MNT: variants seen among roughly 807,000 people sequenced by gnomAD.
MNT encodes MAX network transcriptional repressor.
MNT carries 13 observed loss-of-function variants against 40.7 expected under a neutral mutation model. The ratio of observed to expected loss-of-function variants is 0.32; its 90% CI spans 0.21 to 0.51. The LOEUF is 0.51. MNT is among the 20% of genes least tolerant of loss of function. The pLI, the probability that MNT is intolerant of heterozygous loss-of-function variation, is 0.98. For missense variants in MNT, 757 were observed against 792.0 expected (o/e 0.96, Z 0.53); for synonymous variants, 426 against 354.8 (o/e 1.20, Z -2.26).
intron 1 of MNT, chr17:2,400,422 G>A (rs1038935373): frequency 4.4e-6 from 2 of 458,074 alleles, no homozygotes; most frequent in Admixed American, 4.7e-5. Flanking sequence ...GGCGCCCGCA[G>A]GAGCCAGGTC....
rs766220728 is a variant in MNT, at chr17:2,395,051, G to A, written c.477C>T (p.Pro159=). The change falls in exon 2 of 6, where the codon CCC becomes CCT. Residue 159 remains proline (P), a synonymous_variant. Coordinates refer to ENST00000174618, the MANE Select transcript of MNT (RefSeq NM_020310.3). ...GCTGCAAAGGCTTGGGGCTGCCATT[G>A]GGTGGAATGGTGGCCTTCGAGTCCG... The part of the protein sequence containing the change: ...LLPDSKATIP[P]NGSPKPLQPL... 6 of 1,570,968 alleles carry A rather than the reference G, an allele frequency of 3.8e-6. No individual in the cohort carries two copies. Among genetic ancestry groups the A allele is most frequent in the Non-Finnish European group, 8.6e-7 (1 of 1,159,440 alleles).
intron 2 of MNT, 34 bp downstream of exon 2, chr17:2,394,841 C>T (rs1341505462): frequency 3.3e-6 from 5 of 1,505,748 alleles, no homozygotes; most frequent in Non-Finnish European, 3.6e-6. Flanking sequence ...CTCTCCTATC[C>T]CCCACCAGCC....
Position 2,387,838 on chromosome 17 carries a change from C to G in MNT, c.1000+19G>C, listed in dbSNP as rs1304469290. The stretch of plus-strand genomic sequence containing the variant: ...TAACATCTGAGGGCTGGGGGGCCAG[C>G]GTGGGGGCTGGGGCTCACCAGAGGC... On this transcript the variant is annotated intron_variant, in intron 5 of 5. Transcript: ENST00000174618. 1 of 1,579,660 alleles carries G rather than the reference C, an allele frequency of 6.3e-7. No individual in the cohort carries two copies. The highest frequency in any genetic ancestry group is 1.3e-5 in the African/African-American group (1 of 74,248).
At chr17:2,394,755 G>C in intron 2 of MNT, 120 bp downstream of exon 2, 1 of 690,874 alleles carries the variant, frequency 1.4e-6, no homozygotes, top group Admixed American at 2.4e-5. Flanking sequence ...GCACAGTGAT[G>C]ACGTGTTCAA....
At chr17:2,399,885 C>T (rs2066602817) in intron 1 of MNT, among the ~76,000 whole-genome samples, 1 of 152,082 alleles carries the variant, frequency 6.6e-6, no homozygotes, top group Non-Finnish European at 1.5e-5. Flanking sequence ...GAGGGGGGCC[C>T]GGGGGCTGAC....
chr17:2,391,803 G>C (rs946792614), intron 4 of MNT: 15 of 152,312 alleles, frequency 9.8e-5, no homozygotes, highest in Admixed American at 5.2e-4. Context: ...TCCTGACCAT[G>C]TTTGTGTTTG....
intron 4 of MNT, 59 bp downstream of exon 4, chr17:2,393,984 G>T (rs1206605397): frequency 5.7e-6 from 7 of 1,237,960 alleles, no homozygotes; most frequent in Middle Eastern, 2.8e-4. Context: ...GCGGCCGGGG[G>T]AGGGGCGGCG....
rs1446327752 is a variant in MNT, at chr17:2,386,841, G to C, written c.*60C>G. ...TGGAATGTGTGGAGCTGGTGGGTGA[G>C]AGAGTGGGGGACAGGTCCCCCTCCC... On this transcript the variant is annotated 3_prime_UTR_variant, in exon 6 of 6. Coordinates refer to ENST00000174618, the MANE Select transcript of MNT (RefSeq NM_020310.3). 1.4e-6 allele frequency: 2 copies of C among 1,421,462 alleles called. No homozygotes were observed. Among genetic ancestry groups the C allele is most frequent in the Non-Finnish European group, 1.9e-6 (2 of 1,079,776 alleles). 88.1% of individuals were successfully genotyped at this position (1,421,462 alleles called of 1,614,324 possible).
rs559551090 is a variant in MNT, at chr17:2,388,108, C to G, written c.808-59G>C. The G allele has an allele frequency of 2.1e-5, 30 of 1,454,104 alleles. No homozygotes were observed. The East Asian group carries it at 7.3e-4, about 36-fold the overall frequency. The allele number at this position is 1,454,104 out of a possible 1,614,324, so 90.1% of individuals were successfully genotyped here. On this transcript the variant is annotated intron_variant, in intron 4 of 5. Coordinates refer to ENST00000174618, the MANE Select transcript of MNT (RefSeq NM_020310.3). ...TGAGCAGCAGCCTTGGGGCCCAAAG[C>G]CCCCACAAACCTCTCCCTATCAGCT...
Position 2,387,639 on chromosome 17 carries a change from G to T in MNT, c.1011C>A (p.Asp337Glu), listed in dbSNP as rs760006772. Residue 337 changes from aspartate to glutamate, a missense_variant, in exon 6 of 6, where the codon GAC becomes GAA. By Grantham distance (45) the Asp-to-Glu change is conservative (BLOSUM62 2). Around this residue, in one of 4 missense-constraint regions of MNT, gnomAD observed 345 missense variants for 380.1 expected, o/e 0.91. Transcript: ENST00000174618. ...ASTSTASEGEDNIDEDMEEDR... is the reference protein window; with the variant it reads ...ASTSTASEGEENIDEDMEEDR... ...CCTCCTCCATATCCTCGTCTATGTTGTCCTCACCCTCTGTGGGGAACATGG... is the reference window on the plus strand; with the variant it reads ...CCTCCTCCATATCCTCGTCTATGTTTTCCTCACCCTCTGTGGGGAACATGG... The T allele has an allele frequency of 6.2e-7, 1 of 1,614,036 alleles. No homozygotes were observed. The highest frequency in any genetic ancestry group is 8.5e-7 in the Non-Finnish European group (1 of 1,179,984).
At chr17:2,393,142 C>G (rs542549283) in intron 4 of MNT, among the ~76,000 whole-genome samples, 34 of 94,664 alleles carry the variant, frequency 3.6e-4, no homozygotes, top group African/African-American at 7.6e-4. Flanking sequence ...GCCGCCCACC[C>G]CCCCCCCAAC....
chr17:2,394,384 C>G, intron 2 of MNT, 38 bp from the exon 3 acceptor site: 1 of 1,612,522 alleles, frequency 6.2e-7, no homozygotes, highest in Non-Finnish European at 8.5e-7. Context: ...GGGAGGAGGA[C>G]TCGATTAGAC....
rs1287709432 is a variant in MNT, at chr17:2,386,892, G to A, written c.*9C>T. ...TGTCCCCACTGGGGGCCTCTGAGTG[G>A]CCTCGTCCTCAAGCCAGCTTGAGTG... On this transcript the variant is annotated 3_prime_UTR_variant, in exon 6 of 6. Coordinates refer to ENST00000174618, the MANE Select transcript of MNT (RefSeq NM_020310.3). The A allele has an allele frequency of 2.7e-6, 4 of 1,460,094 alleles. No individual in the cohort carries two copies. The African/African-American group carries it at 5.7e-5, about 21-fold the overall frequency. The allele number at this position is 1,460,094 out of a possible 1,614,324, so 90.4% of individuals were successfully genotyped here.
chr17:2,394,205 CG>C, intron 3 of MNT, 51 bp from the exon 4 acceptor site: 2 of 1,188,098 alleles, frequency 1.7e-6, no homozygotes, highest in African/African-American at 1.7e-5. Flanking sequence ...GGGGCTGGGA[CG>C]GGGGGAGGCA....
intron 1 of MNT, 158 bp downstream of exon 1, chr17:2,400,482 C>A (rs1938726674): frequency 1.7e-6 from 1 of 577,520 alleles, no homozygotes; most frequent in South Asian, 2.3e-5. Flanking sequence ...GCCCACATCA[C>A]CCCTCCCCAG....
At chr17:2,394,237 G>A (rs2066554583) in intron 3 of MNT, 68 bp downstream of exon 3, 5 of 1,594,366 alleles carry the variant, frequency 3.1e-6, no homozygotes, top group Non-Finnish European at 3.4e-6. Flanking sequence ...AGCTGGGGCC[G>A]AGGGCCGCCG....
Position 2,387,969 on chromosome 17 carries a change from C to A in MNT, c.888G>T (p.Leu296=). 1 of 1,599,782 alleles carries A rather than the reference C, an allele frequency of 6.3e-7. No individual in the cohort carries two copies. Among genetic ancestry groups the A allele is most frequent in the East Asian group, 2.3e-5 (1 of 43,994 alleles). Residue 296 remains leucine (L), a synonymous_variant, in exon 5 of 6, where the codon CTG becomes CTT. Transcript: ENST00000174618. ...GGCTCAGCTCGTGCTTGAGCTCTGC[C>A]AGCCGCTGCTGCGTGGCAATCTTCT... ...AREKIATQQR[L]AELKHELSQW...
chr17:2,398,998 C>G (rs1235196886), intron 1 of MNT, among the ~76,000 whole-genome samples: 1 of 151,474 alleles, frequency 6.6e-6, no homozygotes, highest in Non-Finnish European at 1.5e-5. Context: ...TGCCCGCTGC[C>G]GCTCCCCCCT....
intron 1 of MNT, chr17:2,400,254 G>A: frequency 4.4e-6 from 1 of 225,528 alleles, no homozygotes. Flanking sequence ...CATCCCCCGT[G>A]CACACACGCA....
Sources: gnomAD v4.1 joint callset for allele counts (sites outside exome capture counted in the v4.1 genomes callset) on GRCh38, gnomAD v4.1.1 for gene constraint, gnomAD v4.1.1 regional missense constraint, MANE v1.5 for transcripts, NCBI Gene and HGNC (gene_info 2026-07-23, HGNC 2026-07-21) for gene names.